The following TRIM38 variants were observed in gnomAD, a reference collection of about 807,000 sequenced individuals.
The protein encoded by TRIM38 is E3 ubiquitin-protein ligase TRIM38.
In TRIM38, 35 loss-of-function variants were observed where a neutral mutation model predicts 35.8. The observed-to-expected ratio is 0.98, with a 90% CI of 0.75 to 1.30. The LOEUF is 1.30. Among genes scored for constraint, TRIM38 ranks in the 50% most tolerant of loss-of-function variants. TRIM38 has a pLI of 0.00. For missense variants in TRIM38, 545 were observed against 556.9 expected (o/e 0.98, Z 0.21); for synonymous variants, 198 against 204.7 (o/e 0.97, Z 0.28).
intron 4 of TRIM38, 37 bp downstream of exon 4, chr6:25,969,457 C>T: frequency 6.5e-7 from 1 of 1,546,704 alleles, no homozygotes; most frequent in Non-Finnish European, 8.9e-7. Flanking sequence ...AGCTATTTTC[C>T]ATTCTAGAGC....
chr6:25,967,860 C>T (rs1760111448), intron 3 of TRIM38, among the ~76,000 whole-genome samples: 1 of 151,922 alleles, frequency 6.6e-6, no homozygotes, highest in Non-Finnish European at 1.5e-5. Context: ...AAAGGAATAT[C>T]AAGGAGTAAA....
In TRIM38 at chr6:25,972,202, G is replaced by A. The variant is rs932949229; in HGVS notation, c.738+103G>A. ...AGATAAAGTAATGTTTCTTTTAGAT[G>A]TACATCAGTGCCATCAGGCTGGCCT... On this transcript the variant is annotated intron_variant, in intron 5 of 7. Coordinates refer to ENST00000357085, the MANE Select transcript of TRIM38 (RefSeq NM_006355.5). The A allele has an allele frequency of 2.9e-6, 3 of 1,022,048 alleles. No individual in the cohort carries two copies. In the African/African-American group the frequency reaches 4.8e-5, roughly 16 times the overall value. 63.3% of individuals were successfully genotyped at this position (1,022,048 alleles called of 1,614,324 possible).
Position 25,990,469 on chromosome 6 carries a change from T to C in TRIM38, c.*6782T>C, listed in dbSNP as rs1164612366. ...GACTACAGGCACGCACCACCACACA[T>C]GGCTCATTTTTTTGTATTGAGACAG... On this transcript the variant is annotated 3_prime_UTR_variant, in exon 8 of 8. Transcript: ENST00000357085. 1.3e-5 allele frequency: 2 copies of C among 151,936 alleles called. No individual in the cohort carries two copies. The highest frequency in any genetic ancestry group is 2.9e-5 in the Non-Finnish European group (2 of 68,010). 9.4% of individuals were successfully genotyped at this position (151,936 alleles called of 1,614,324 possible). A position where few individuals can be genotyped will look rare whatever the true frequency, so the allele number is the denominator to read the frequency against.
intron 5 of TRIM38, 54 bp downstream of exon 5, chr6:25,972,153 G>A: frequency 6.8e-7 from 1 of 1,480,498 alleles, no homozygotes. Context: ...TGCTATTAAA[G>A]GAGAATGGTA....
rs1759902869 is a variant in TRIM38 at position 25,963,195 on chromosome 6, T to C, written c.-276T>C. 6.6e-6 allele frequency: 1 copy of C among 152,214 alleles called. No homozygotes were observed. The highest frequency in any genetic ancestry group is 2.1e-4 in the South Asian group (1 of 4,826). 9.4% of individuals were successfully genotyped at this position (152,214 alleles called of 1,614,324 possible). ...GGGCCTGGTGTATCACTGGAGGAAA[T>C]AGCCTGCCAAGGAATACACGTCTTC... On this transcript the variant is annotated 5_prime_UTR_variant, in exon 2 of 8. It removes the in-frame stop codon of an upstream open reading frame in the 5' UTR. Transcript: ENST00000357085.
rs70977249 is a variant in TRIM38, at chr6:25,988,513, T to TTTTTTTTTTTTTTTTA, written c.*4826_*4827insTTTTTTTTTTTTTTTA. ...TTTTCTTTCTTTTTTTTTTTTTTTT[T>TTTTTTTTTTTTTTTTA]GAGACAGAGGAGTCTTGCTCTGTTG... On this transcript the variant is annotated 3_prime_UTR_variant, in exon 8 of 8. Coordinates refer to ENST00000357085, the MANE Select transcript of TRIM38 (RefSeq NM_006355.5). The TTTTTTTTTTTTTTTTA allele has an allele frequency of 7.0e-6, 1 of 142,226 alleles. No individual in the cohort carries two copies. The highest frequency in any genetic ancestry group is 2.1e-4 in the East Asian group (1 of 4,854). The allele number at this position is 142,226 out of a possible 1,614,324, so 8.8% of individuals were successfully genotyped here.
At position 25,966,520 on chromosome 6, in the gene TRIM38, G is replaced by T; in HGVS notation, c.-3G>T. On this transcript the variant is annotated 5_prime_UTR_variant, in exon 3 of 8. Transcript: ENST00000357085. ...CCAATATTGGAGCTTTTCAATAAAA[G>T]CTATGGCCTCAACCACCAGCACCAA... 3 of 1,596,440 alleles carry T rather than the reference G, an allele frequency of 1.9e-6. No homozygotes were observed. The highest frequency in any genetic ancestry group is 2.6e-6 in the Non-Finnish European group (3 of 1,170,864).
At chr6:25,969,791 G>A (rs75086788) in intron 4 of TRIM38, among the ~76,000 whole-genome samples, 5 of 152,246 alleles carry the variant, frequency 3.3e-5, no homozygotes, top group Non-Finnish European at 7.4e-5. Flanking sequence ...CCACAGTGGA[G>A]CATCTGGCTC....
rs1760650517 is a variant in TRIM38 at position 25,984,186 on chromosome 6, C to T, written c.*499C>T. The stretch of plus-strand genomic sequence containing the variant: ...TCTAAGCGGCAGTCCTGGAGGCTAC[C>T]AGACTTACTGAGTTCTACCTGAGAA... On this transcript the variant is annotated 3_prime_UTR_variant, in exon 8 of 8. Coordinates refer to ENST00000357085, the MANE Select transcript of TRIM38 (RefSeq NM_006355.5). The T allele has an allele frequency of 6.5e-6, 1 of 153,028 alleles. No individual in the cohort carries two copies. Among genetic ancestry groups the T allele is most frequent in the Non-Finnish European group, 1.5e-5 (1 of 68,578 alleles). The allele number at this position is 153,028 out of a possible 1,614,324, so 9.5% of individuals were successfully genotyped here.
intron 2 of TRIM38, among the ~76,000 whole-genome samples, chr6:25,965,915 G>A (rs1760021792): frequency 6.7e-6 from 1 of 149,012 alleles, no homozygotes; most frequent in East Asian, 2.0e-4. Flanking sequence ...GTGAGACTCC[G>A]TCTCATTAAA....
intron 7 of TRIM38, 91 bp from the exon 8 acceptor site, chr6:25,983,073 C>A: frequency 7.6e-7 from 1 of 1,317,870 alleles, no homozygotes; most frequent in Non-Finnish European, 1.0e-6. Flanking sequence ...TGGGTGACAG[C>A]AACACTCCAT....
intron 7 of TRIM38, among the ~76,000 whole-genome samples, chr6:25,976,798 A>G (rs1051922307): frequency 3.3e-5 from 5 of 152,200 alleles, no homozygotes; most frequent in African/African-American, 4.8e-5. Context: ...AATTGTTCCA[A>G]TTCTACCCCA....
intron 5 of TRIM38, among the ~76,000 whole-genome samples, chr6:25,972,555 G>C (rs1273975220): frequency 6.6e-6 from 1 of 152,172 alleles, no homozygotes; most frequent in African/African-American, 2.4e-5. Context: ...TAACAGGATT[G>C]GTGACTATAC....
intron 7 of TRIM38, among the ~76,000 whole-genome samples, chr6:25,980,668 G>A (rs1465566889): frequency 6.6e-6 from 1 of 152,182 alleles, no homozygotes; most frequent in Non-Finnish European, 1.5e-5. Flanking sequence ...TGATCCGCCT[G>A]CCTTGGCCTC....
Position 25,985,333 on chromosome 6 carries a change from C to T in TRIM38, c.*1646C>T, listed in dbSNP as rs1760682696. ...AAAAAGGGAAAGAAAAAGTTGCCTTCCCACAATTTACTGCACTAGAAACTC... is the reference window on the plus strand; with the variant it reads ...AAAAAGGGAAAGAAAAAGTTGCCTTTCCACAATTTACTGCACTAGAAACTC... On this transcript the variant is annotated 3_prime_UTR_variant, in exon 8 of 8. Transcript: ENST00000357085. 6.6e-6 allele frequency: 1 copy of T among 150,766 alleles called. No individual in the cohort carries two copies. The highest frequency in any genetic ancestry group is 2.4e-5 in the African/African-American group (1 of 41,028). 9.3% of individuals were successfully genotyped at this position (150,766 alleles called of 1,614,324 possible).
chr6:25,972,949 C>G, intron 5 of TRIM38, 105 bp from the exon 6 acceptor site: 3 of 1,439,720 alleles, frequency 2.1e-6, no homozygotes, highest in Non-Finnish European at 2.9e-6. Context: ...ACTAGGGTAA[C>G]TCTCTTTACT....
Position 25,971,960 on chromosome 6 carries a change from G to A in TRIM38, c.599G>A (p.Arg200Lys). The change falls in exon 5 of 8, where the codon AGG becomes AAG. Residue 200 changes from arginine (R) to lysine (K), a missense_variant. Arg to Lys is a conservative substitution (Grantham distance 26). Transcript: ENST00000357085. ...GAGGAAGAGAAGTCTTATCTCTGGA[G>A]GCTGGAGAAAGAAGAACAACAGACT... ...LHEEEKSYLW[R>K]LEKEEQQTLS... The A allele has an allele frequency of 6.2e-7, 1 of 1,614,156 alleles. No homozygotes were observed. The highest frequency in any genetic ancestry group is 1.1e-5 in the South Asian group (1 of 91,076).
At chr6:25,964,069 G>C (rs905366665) in intron 2 of TRIM38, among the ~76,000 whole-genome samples, 25 of 152,060 alleles carry the variant, frequency 1.6e-4, no homozygotes, top group African/African-American at 5.3e-4. Flanking sequence ...TTTGCCTTCT[G>C]AAGTTCACTG....
intron 7 of TRIM38, among the ~76,000 whole-genome samples, chr6:25,977,192 A>G (rs372915024): frequency 6.6e-5 from 10 of 152,344 alleles, no homozygotes; most frequent in African/African-American, 2.2e-4. Context: ...CAAAGAGCTT[A>G]GTCATCAGTG....
Sources: gnomAD v4.1 joint callset for allele counts (sites outside exome capture counted in the v4.1 genomes callset) on GRCh38, gnomAD v4.1.1 for gene constraint, MANE v1.5 for transcripts, NCBI Gene and HGNC (gene_info 2026-07-23, HGNC 2026-07-21) for gene names.